The following PWWP2A variants were observed in gnomAD, a reference collection of about 807,000 sequenced individuals.
The protein encoded by PWWP2A is PWWP domain-containing protein 2A.
A neutral mutation model predicts 48.5 loss-of-function variants in PWWP2A; 18 were observed. The ratio of observed to expected loss-of-function variants is 0.37; its 90% CI spans 0.26 to 0.55. PWWP2A has a LOEUF of 0.55. Among genes scored for constraint, PWWP2A ranks in the 20% least tolerant of loss-of-function variants. PWWP2A has a pLI of 0.81. For synonymous variants in PWWP2A, 396 were observed against 387.7 expected, an observed-to-expected ratio of 1.02 and a Z score of -0.25; for missense variants, 867 against 976.4, an observed-to-expected ratio of 0.89 and a Z score of 1.49.
intron 1 of PWWP2A, among the ~76,000 whole-genome samples, chr5:160,109,885 A>T (rs1348449038): frequency 7.0e-6 from 1 of 142,538 alleles, no homozygotes; most frequent in Admixed American, 7.2e-5. Flanking sequence ...ATTAACAGTA[A>T]ATTGCAAGTG....
the PWWP2A span, among the ~76,000 whole-genome samples, chr5:160,045,508 ACACACATACACACTCTCTCT>A: frequency 1.2e-4 from 9 of 75,880 alleles, 1 homozygote; most frequent in African/African-American, 4.6e-4. Flanking sequence ...ACACACACAC[ACACACATACACACTCTCTCT>A]CTCTCTCTCT....
chr5:160,075,861 C>T (rs1373776115), downstream of PWWP2A: 1 of 77,916 alleles, frequency 1.3e-5, no homozygotes, highest in Non-Finnish European at 2.9e-5. Flanking sequence ...AAAAAGTAAA[C>T]ATAATTTTTA....
the PWWP2A span, among the ~76,000 whole-genome samples, chr5:160,054,738 A>G: frequency 6.6e-6 from 1 of 152,214 alleles, no homozygotes; most frequent in African/African-American, 2.4e-5. Context: ...TAGTTTGAGG[A>G]ACATAAAGAT....
the PWWP2A span, among the ~76,000 whole-genome samples, chr5:160,052,105 A>G: frequency 6.6e-6 from 1 of 152,194 alleles, no homozygotes; most frequent in African/African-American, 2.4e-5. Flanking sequence ...TGCCGGGTAG[A>G]CTCAGACTGT....
chr5:160,113,158 CAAAA>C (rs5872630), intron 1 of PWWP2A: 6 of 738,004 alleles, frequency 8.1e-6, no homozygotes, highest in Admixed American at 6.5e-5. Context: ...GACTCTGTGT[CAAAA>C]AAAAAAAAGA....
At chr5:160,076,977 A>G (rs1753918841) in exon 4 of PWWP2A, 1 of 152,218 alleles carries the variant, frequency 6.6e-6, no homozygotes, top group African/African-American at 2.4e-5. Flanking sequence ...CATCAAATAT[A>G]AAATGCCTTA....
intron 1 of PWWP2A, among the ~76,000 whole-genome samples, chr5:160,117,257 TGA>T (rs1167626450): frequency 1.3e-5 from 2 of 152,132 alleles, no homozygotes. Flanking sequence ...CCCAGGAGTC[TGA>T]GACCAGCCTA....
chr5:160,072,678 A>G (rs887974627), downstream of PWWP2A, among the ~76,000 whole-genome samples: 1 of 152,166 alleles, frequency 6.6e-6, no homozygotes, highest in Admixed American at 6.5e-5. Flanking sequence ...GCAGTGAGCC[A>G]TGGCTGCACC....
Position 160,092,013 on chromosome 5 carries a change from GAT to G in PWWP2A, c.*367_*368del, listed in dbSNP as rs138372919. 3.5e-3 allele frequency: 1,128 copies of G among 319,242 alleles called. 4 individuals are homozygous for G. The highest frequency in any genetic ancestry group is 4.0e-3 in the Non-Finnish European group (989 of 244,412). The allele number at this position is 319,242 out of a possible 1,614,324, so 19.8% of individuals were successfully genotyped here. A position where few individuals can be genotyped will look rare whatever the true frequency, so the allele number is the denominator to read the frequency against. On this transcript the variant is annotated 3_prime_UTR_variant, in exon 2 of 2. Transcript: ENST00000307063. ...ATATGTGTGTATATATACATACACG[GAT>G]ATATATATATACACACACACACACG...
At chr5:160,099,179 G>C (rs954934545) in intron 1 of PWWP2A, among the ~76,000 whole-genome samples, 2 of 152,110 alleles carry the variant, frequency 1.3e-5, no homozygotes, top group Middle Eastern at 3.2e-3. Flanking sequence ...AGATTTTATT[G>C]AACAAGTGTT....
downstream of PWWP2A, among the ~76,000 whole-genome samples, chr5:160,071,623 G>A (rs534303429): frequency 9.9e-5 from 15 of 152,282 alleles, 1 homozygote; most frequent in South Asian, 2.7e-3. Flanking sequence ...GAGACACCAC[G>A]TAGGATGGGA....
At chr5:160,086,742 G>C (rs1158944707), downstream of PWWP2A, among the ~76,000 whole-genome samples, 1 of 152,106 alleles carries the variant, frequency 6.6e-6, no homozygotes, top group Non-Finnish European at 1.5e-5. Flanking sequence ...TCAGCCTCTG[G>C]AGTAGCTGGG....
chr5:160,119,420 G>T lies in PWWP2A; in HGVS notation c.-32C>A, dbSNP rs540049153. 9 of 1,340,402 alleles carry T rather than the reference G, an allele frequency of 6.7e-6. No individual in the cohort carries two copies. Among genetic ancestry groups the T allele is most frequent in the African/African-American group, 3.1e-5 (2 of 64,130 alleles). 83.0% of individuals were successfully genotyped at this position (1,340,402 alleles called of 1,614,324 possible). A position where few individuals can be genotyped will look rare whatever the true frequency, so the allele number is the denominator to read the frequency against. ...CCTAGCTTCTCCCTCCTCCAACTCC[G>T]GCTGCAGCGGCGGCGGCGACAGCGC... On this transcript the variant is annotated 5_prime_UTR_variant, in exon 1 of 2. Coordinates refer to ENST00000307063, the MANE Select transcript of PWWP2A (RefSeq NM_001130864.2).
At chr5:160,050,418 G>A in the PWWP2A span, among the ~76,000 whole-genome samples, 1 of 152,154 alleles carries the variant, frequency 6.6e-6, no homozygotes, top group Non-Finnish European at 1.5e-5. Flanking sequence ...CTGCACTCCA[G>A]TCTGGGCGAC....
Position 160,093,632 on chromosome 5 carries a change from T to A in PWWP2A, c.1018A>T (p.Ser340Cys). 1 of 1,614,088 alleles carries A rather than the reference T, an allele frequency of 6.2e-7. No homozygotes were observed. Among genetic ancestry groups the A allele is most frequent in the Non-Finnish European group, 8.5e-7 (1 of 1,179,898 alleles). ...TATTTAGAAGAGTCAGTTGCACTAC[T>A]ACCTTTTCTAATTTCCTTTTTTTCA... ...VAEKKEIRKG[S>C]SATDSSKYED... Residue 340 changes from serine to cysteine, a missense_variant, in exon 2 of 2, where the codon AGT becomes TGT. Coordinates refer to ENST00000307063, the MANE Select transcript of PWWP2A (RefSeq NM_001130864.2). The surrounding 1 kb of genome is among the most constrained non-coding windows in gnomAD (Gnocchi z 5.8).
Position 160,092,904 on chromosome 5 carries a change from C to T in PWWP2A, c.1746G>A (p.Val582=), listed in dbSNP as rs1755226776. 1 of 1,551,644 alleles carries T rather than the reference C, an allele frequency of 6.4e-7. No individual in the cohort carries two copies. Among genetic ancestry groups the T allele is most frequent in the East Asian group, 2.4e-5 (1 of 40,916 alleles). ...QKKSDSSSAS[V]CSIDSTDDLK... is the part of the protein sequence containing the mutation. ...AATCATCTGTGCTATCAATGCTACA[C>T]ACTGAAGCACTGGAAGAGTCAGATT... is the stretch of plus-strand genomic sequence containing the variant. Residue 582 remains valine, a synonymous_variant, in exon 2 of 2, where the codon GTG becomes GTA. Transcript: ENST00000307063.
chr5:160,094,041 C>T lies in PWWP2A; in HGVS notation c.609G>A (p.Val203=). The change falls in exon 2 of 2, where the codon GTG becomes GTA. Residue 203 remains valine (V), a synonymous_variant. Coordinates refer to ENST00000307063, the MANE Select transcript of PWWP2A (RefSeq NM_001130864.2). ...SKRFGPHGIP[V]TVFPKREYKD... ...TATATTCCCTTTTGGGAAATACTGT[C>T]ACAGGGATACCATGGGGCCCAAACC... 6.2e-7 allele frequency: 1 copy of T among 1,611,164 alleles called. No individual in the cohort carries two copies. The highest frequency in any genetic ancestry group is 8.5e-7 in the Non-Finnish European group (1 of 1,177,716).
At position 160,104,375 on chromosome 5, in the gene PWWP2A, G is replaced by A. The variant is rs144628234; in HGVS notation, c.585-10310C>T. 4.0e-5 allele frequency among the ~76,000 whole-genome samples: 6 copies of A among 151,458 alleles called. No homozygotes were observed. The Middle Eastern group carries it at 0.01, about 265-fold the overall frequency. On this transcript the variant is annotated intron_variant, in intron 1 of 1. Coordinates refer to ENST00000307063, the MANE Select transcript of PWWP2A (RefSeq NM_001130864.2). ...GAGCCCAGAAGGTTAAGCCTGAAGT[G>A]AGCCATGATGGCACCACTGCACTCC...
chr5:160,046,042 A>G, the PWWP2A span, among the ~76,000 whole-genome samples: 1 of 152,038 alleles, frequency 6.6e-6, no homozygotes, highest in East Asian at 1.9e-4. Context: ...CCCCCAGCTC[A>G]AGATTAGGGT....
Sources: allele counts gnomAD v4.1 joint callset (sites outside exome capture counted in the v4.1 genomes callset), GRCh38; gene constraint gnomAD v4.1.1; non-coding constraint Gnocchi (gnomAD v3.1); transcripts MANE v1.5; gene names NCBI Gene and HGNC (gene_info 2026-07-23, HGNC 2026-07-21).